Variants in ARB2A observed in about 807,000 individuals in gnomAD.
ARB2A encodes ARB2 cotranscriptional regulator A.
chr5:93,649,326 G>A, the ARB2A span, among the ~76,000 whole-genome samples: 14 of 152,126 alleles, frequency 9.2e-5, no homozygotes, highest in Admixed American at 9.2e-4. Flanking sequence ...TAGGATTGGA[G>A]AAGCAACCAA....
chr5:93,740,480 A>T, the ARB2A span: 1 of 1,302,042 alleles, frequency 7.7e-7, no homozygotes, highest in Non-Finnish European at 1.1e-6. Context: ...ATGAGAAATT[A>T]ATACTAAAAG....
the ARB2A span, among the ~76,000 whole-genome samples, chr5:93,697,361 C>A: frequency 6.6e-6 from 1 of 151,970 alleles, no homozygotes; most frequent in African/African-American, 2.4e-5. Flanking sequence ...CAATTGCTTG[C>A]CTTCTTTAAA....
chr5:93,656,333 A>T, the ARB2A span, among the ~76,000 whole-genome samples: 1 of 152,326 alleles, frequency 6.6e-6, no homozygotes, highest in African/African-American at 2.4e-5. Context: ...GATAATGCAC[A>T]TTTTGCTTCT....
chr5:93,745,226 A>G, the ARB2A span, among the ~76,000 whole-genome samples: 39 of 152,274 alleles, frequency 2.6e-4, no homozygotes, highest in Middle Eastern at 6.8e-3. Context: ...TTCAAATTTC[A>G]TCGTTTTGAG....
At chr5:93,792,512 A>C in the ARB2A span, among the ~76,000 whole-genome samples, 853 of 152,226 alleles carry the variant, frequency 5.6e-3, 6 homozygotes, top group African/African-American at 0.02. Flanking sequence ...AAGGCAGGTT[A>C]AGATACATTC....
chr5:93,693,181 A>G, the ARB2A span, among the ~76,000 whole-genome samples: 2 of 152,304 alleles, frequency 1.3e-5, no homozygotes, highest in East Asian at 3.9e-4. Context: ...AAGCTACCAG[A>G]AGACAAGAAA....
At chr5:93,746,907 A>G in the ARB2A span, among the ~76,000 whole-genome samples, 5 of 152,208 alleles carry the variant, frequency 3.3e-5, no homozygotes, top group African/African-American at 1.2e-4. Context: ...GACAAAGTTT[A>G]AAGGCTCTTG....
At chr5:93,724,087 A>G in the ARB2A span, among the ~76,000 whole-genome samples, 4 of 152,184 alleles carry the variant, frequency 2.6e-5, no homozygotes, top group South Asian at 8.3e-4. Context: ...CTAAATCTTA[A>G]AAATAAATTA....
At chr5:93,964,345 T>G in the ARB2A span, 2 of 718,920 alleles carry the variant, frequency 2.8e-6, no homozygotes, top group African/African-American at 3.6e-5. Flanking sequence ...AACCCTAACA[T>G]TTAAACTTAT....
chr5:93,872,394 T>C, the ARB2A span, among the ~76,000 whole-genome samples: 6 of 152,204 alleles, frequency 3.9e-5, no homozygotes, highest in Non-Finnish European at 7.4e-5. Context: ...AAATTAAGAT[T>C]ACAGTATGTA....
the ARB2A span, among the ~76,000 whole-genome samples, chr5:93,887,133 TAG>T: frequency 6.6e-6 from 1 of 151,380 alleles, no homozygotes; most frequent in Non-Finnish European, 1.5e-5. Context: ...GGTTATATGG[TAG>T]AGTCAGAAGG....
At chr5:93,830,299 ATG>A in the ARB2A span, among the ~76,000 whole-genome samples, 123 of 39,612 alleles carry the variant, frequency 3.1e-3, 2 homozygotes, top group African/African-American at 0.014. Flanking sequence ...ATGTATATAT[ATG>A]TGTGTGTGTG....
the ARB2A span, among the ~76,000 whole-genome samples, chr5:93,915,148 CAT>C: frequency 1.3e-5 from 2 of 151,852 alleles, no homozygotes; most frequent in Admixed American, 6.6e-5. Flanking sequence ...TGCTATCATC[CAT>C]TACACTGTCT....
At chr5:94,012,956 G>C in the ARB2A span, among the ~76,000 whole-genome samples, 3 of 152,158 alleles carry the variant, frequency 2.0e-5, no homozygotes, top group Non-Finnish European at 4.4e-5. Flanking sequence ...AAAGAAACGG[G>C]AGGTCTGGAA....
At chr5:94,087,175 TA>T in the ARB2A span, among the ~76,000 whole-genome samples, 2 of 152,198 alleles carry the variant, frequency 1.3e-5, no homozygotes, top group Non-Finnish European at 2.9e-5. Context: ...GCTTACAAAA[TA>T]AGGATATAAA....
the ARB2A span, among the ~76,000 whole-genome samples, chr5:93,719,721 C>T: frequency 1.1e-4 from 16 of 152,174 alleles, no homozygotes; most frequent in African/African-American, 3.6e-4. Flanking sequence ...CTTGCAGAAA[C>T]TGCTTATTAA....
chr5:94,058,291 T>C, the ARB2A span, among the ~76,000 whole-genome samples: 3 of 152,098 alleles, frequency 2.0e-5, no homozygotes, highest in African/African-American at 4.8e-5. Flanking sequence ...TTTAAAGGAA[T>C]AGAAGAAAAT....
chr5:93,761,142 C>T, the ARB2A span, among the ~76,000 whole-genome samples: 72 of 152,218 alleles, frequency 4.7e-4, no homozygotes, highest in African/African-American at 1.4e-3. Flanking sequence ...ACGCAGAAGA[C>T]GGGTGATTTC....
At chr5:93,836,136 T>C in the ARB2A span, among the ~76,000 whole-genome samples, 1 of 152,184 alleles carries the variant, frequency 6.6e-6, no homozygotes, top group African/African-American at 2.4e-5. Flanking sequence ...CGCGCCATTC[T>C]CCTGCCTCAG....
Sources: allele counts gnomAD v4.1 joint callset (sites outside exome capture counted in the v4.1 genomes callset), GRCh38; gene constraint gnomAD v4.1.1; transcripts MANE v1.5; gene names NCBI Gene and HGNC (gene_info 2026-07-23, HGNC 2026-07-21).